CUX1: variants seen among roughly 807,000 people sequenced by gnomAD.
CUX1 encodes protein CASP.
In CUX1, 31 loss-of-function variants were observed where a neutral mutation model predicts 158.8. The ratio of observed to expected loss-of-function variants is 0.20; its 90% CI spans 0.15 to 0.26. The LOEUF is 0.26. Ranked by LOEUF, CUX1 falls within the 10% of genes least tolerant of loss-of-function variation. CUX1 has a pLI of 1.00. For missense variants in CUX1, 1,589 were observed against 2,014.6 expected (o/e 0.79, Z 4.04); for synonymous variants, 879 against 862.1 (o/e 1.02, Z -0.34).
chr7:102,126,880 G>C (rs1832692658), intron 8 of CUX1, among the ~76,000 whole-genome samples: 1 of 152,198 alleles, frequency 6.6e-6, no homozygotes, highest in Non-Finnish European at 1.5e-5. Flanking sequence ...CCCTGAGCTT[G>C]TTTTTCTGCA....
intron 22 of CUX1, among the ~76,000 whole-genome samples, chr7:102,236,046 G>A (rs1799530711): frequency 1.3e-5 from 2 of 152,128 alleles, no homozygotes; most frequent in South Asian, 2.1e-4. Flanking sequence ...TCATCCACAC[G>A]ACTCTGCTTA....
chr7:102,128,309 A>G (rs1563282293), intron 8 of CUX1, among the ~76,000 whole-genome samples: 1 of 152,146 alleles, frequency 6.6e-6, no homozygotes, highest in Non-Finnish European at 1.5e-5. Flanking sequence ...AGTGGATGAT[A>G]TGCACGGCTC....
At chr7:101,897,615 G>C (rs1801658481) in intron 1 of CUX1, among the ~76,000 whole-genome samples, 1 of 152,190 alleles carries the variant, frequency 6.6e-6, no homozygotes, top group Non-Finnish European at 1.5e-5. Flanking sequence ...TATTTCTGCT[G>C]ATGTAAGTAT....
rs782640036 is a variant in CUX1, at chr7:102,201,836, G to T, written c.2539G>T (p.Gly847Cys). The change falls in exon 18 of 24, where the codon GGC (glycine) becomes TGC (cysteine). Residue 847 changes from glycine to cysteine, a missense_variant. Physicochemically the swap from Gly to Cys is radical, Grantham distance 159. Coordinates refer to ENST00000292535, the MANE Select transcript of CUX1 (RefSeq NM_181552.4). This position sits in a 1 kb window ranked among gnomAD's most constrained non-coding sequence, Gnocchi z 5.0. Reference sequence around the variant, plus strand: ...CGAGGAGGCCAAGGCCGAAGAAACGGGCGGCGGGAAAGAGAAGGGCAGCGG... The same window carrying T: ...CGAGGAGGCCAAGGCCGAAGAAACGTGCGGCGGGAAAGAGAAGGGCAGCGG... ...SSEEAKAEET[G>C]GGKEKGSGGS... 2 of 1,613,208 alleles carry T rather than the reference G, an allele frequency of 1.2e-6. No individual in the cohort carries two copies. Among genetic ancestry groups the T allele is most frequent in the Non-Finnish European group, 1.7e-6 (2 of 1,179,912 alleles).
chr7:101,917,067 A>G (rs962820511), intron 2 of CUX1, among the ~76,000 whole-genome samples: 1 of 152,218 alleles, frequency 6.6e-6, no homozygotes, highest in African/African-American at 2.4e-5. Context: ...AAGGGGTCGC[A>G]GCAGCCCACA....
intron 4 of CUX1, among the ~76,000 whole-genome samples, chr7:102,090,684 G>A (rs1242583597): frequency 1.5e-5 from 2 of 129,278 alleles, no homozygotes; most frequent in African/African-American, 3.3e-5. Flanking sequence ...ACCGCACCCC[G>A]CCTCTTTTTT....
intron 11 of CUX1, 99 bp from the exon 12 acceptor site, chr7:102,189,714 T>G: frequency 7.6e-7 from 1 of 1,315,530 alleles, no homozygotes; most frequent in East Asian, 2.3e-5. Context: ...TGGCTTCCCC[T>G]CTCAGGCACA....
chr7:102,204,962 G>T, intron 19 of CUX1, 152 bp from the exon 20 acceptor site: 1 of 619,686 alleles, frequency 1.6e-6, no homozygotes. Context: ...GCCTGGCCTT[G>T]CAACAGCAGC....
intron 8 of CUX1, among the ~76,000 whole-genome samples, chr7:102,126,501 A>G (rs1053978939): frequency 6.6e-6 from 1 of 152,096 alleles, no homozygotes; most frequent in Non-Finnish European, 1.5e-5. Flanking sequence ...TTTTTTCTAT[A>G]CAGATTGTTC....
At chr7:101,859,953 TCTTC>T (rs1460366908) in intron 1 of CUX1, among the ~76,000 whole-genome samples, 1 of 151,482 alleles carries the variant, frequency 6.6e-6, no homozygotes, top group Non-Finnish European at 1.5e-5. Flanking sequence ...TCCTTCCTTT[TCTTC>T]CTTCCCCTTT....
At chr7:102,212,014 G>A (rs1480210889) in intron 20 of CUX1, among the ~76,000 whole-genome samples, 1 of 152,136 alleles carries the variant, frequency 6.6e-6, no homozygotes, top group East Asian at 1.9e-4. Context: ...GGATCACTCA[G>A]GGACCTTGCC....
chr7:102,281,689 T>G (rs555041755), intron 20 of CUX1: 3 of 620,976 alleles, frequency 4.8e-6, no homozygotes, highest in Non-Finnish European at 5.8e-6. Context: ...CAGCAGCCCA[T>G]GTCCCTGGCC....
intron 20 of CUX1, among the ~76,000 whole-genome samples, chr7:102,222,811 CTTTTTTTTTTT>C (rs71123016): frequency 7.8e-5 from 2 of 25,510 alleles, no homozygotes; most frequent in East Asian, 3.8e-3. Context: ...GGCACCGTAT[CTTTTTTTTTTT>C]TTTTTTTTTT....
At chr7:101,833,029 C>T (rs1794230353) in intron 1 of CUX1, among the ~76,000 whole-genome samples, 2 of 152,094 alleles carry the variant, frequency 1.3e-5, no homozygotes, top group African/African-American at 2.4e-5. Context: ...TCCCTGAGAG[C>T]ATTCTTCTCT....
At chr7:101,825,479 T>C (rs1302946195) in intron 1 of CUX1, among the ~76,000 whole-genome samples, 1 of 152,138 alleles carries the variant, frequency 6.6e-6, no homozygotes, top group African/African-American at 2.4e-5. Flanking sequence ...AGAGCTGTGC[T>C]GCGGAATCGT....
intron 1 of CUX1, among the ~76,000 whole-genome samples, chr7:101,858,952 A>G (rs941394215): frequency 1.2e-4 from 18 of 152,164 alleles, no homozygotes; most frequent in Non-Finnish European, 2.1e-4. Flanking sequence ...ATCACAAGAA[A>G]GTCTTCCCTT....
intron 18 of CUX1, among the ~76,000 whole-genome samples, chr7:102,279,647 T>C (rs1233522618): frequency 6.6e-6 from 1 of 152,088 alleles, no homozygotes; most frequent in Non-Finnish European, 1.5e-5. Flanking sequence ...CAGAGGGCAC[T>C]CAGACTCTGC....
intron 4 of CUX1, 28 bp downstream of exon 4, chr7:102,070,445 G>A: frequency 1.9e-6 from 3 of 1,558,580 alleles, no homozygotes; most frequent in Non-Finnish European, 2.6e-6. Flanking sequence ...TGGCCCACCA[G>A]TGGGGGGCGT....
intron 1 of CUX1, among the ~76,000 whole-genome samples, chr7:101,894,120 G>A (rs543417461): frequency 5.9e-5 from 9 of 152,256 alleles, no homozygotes; most frequent in South Asian, 2.1e-4. Flanking sequence ...CTCGGGTACC[G>A]GTGTCTGATC....
Sources: gnomAD v4.1 joint callset for allele counts (sites outside exome capture counted in the v4.1 genomes callset) on GRCh38, gnomAD v4.1.1 for gene constraint, Gnocchi (gnomAD v3.1) non-coding constraint, MANE v1.5 for transcripts, NCBI Gene and HGNC (gene_info 2026-07-23, HGNC 2026-07-21) for gene names.